LRBA: variants seen among roughly 807,000 people sequenced by gnomAD.
LRBA encodes the protein lipopolysaccharide-responsive and beige-like anchor protein.
Under a neutral mutation model 330.0 loss-of-function variants are expected in LRBA, and 176 were observed. That is an observed-to-expected ratio of 0.53 (90% CI 0.47 to 0.60). LRBA has a LOEUF of 0.60. LRBA is among the 20% of genes least tolerant of loss of function. The pLI is 0.00. For missense variants in LRBA, 3,259 were observed against 3,444.8 expected (o/e 0.95, Z 1.35); for synonymous variants, 1,230 against 1,193.0 (o/e 1.03, Z -0.64).
chr4:150,509,410 A>G (rs1354457518), intron 40 of LRBA, among the ~76,000 whole-genome samples: 1 of 152,110 alleles, frequency 6.6e-6, no homozygotes, highest in African/African-American at 2.4e-5. Flanking sequence ...AGCAGTACTT[A>G]GAGGGAAATT....
chr4:150,917,101 C>T (rs913450616), intron 5 of LRBA, among the ~76,000 whole-genome samples: 1 of 151,400 alleles, frequency 6.6e-6, no homozygotes, highest in East Asian at 1.9e-4. Flanking sequence ...TGCAGTGAGC[C>T]GAGACCACAC....
chr4:150,877,792 TC>T (rs1481916681), intron 17 of LRBA, among the ~76,000 whole-genome samples: 1 of 152,088 alleles, frequency 6.6e-6, no homozygotes, highest in African/African-American at 2.4e-5. Context: ...ATAAAGAAAG[TC>T]TCAATAAATT....
chr4:150,415,625 A>C, intron 46 of LRBA, 35 bp from the exon 47 acceptor site: 1 of 1,196,144 alleles, frequency 8.4e-7, no homozygotes, highest in East Asian at 2.3e-5. Context: ...GATATTATAA[A>C]CTGTAGGATA....
chr4:150,607,991 C>T (rs149728153), intron 37 of LRBA, among the ~76,000 whole-genome samples: 1,658 of 152,138 alleles, frequency 0.011, 13 homozygotes, highest in Non-Finnish European at 0.017. Flanking sequence ...GCCAAGATCG[C>T]GCCACTGCAC....
chr4:150,953,188 A>T (rs1561050372), intron 2 of LRBA, among the ~76,000 whole-genome samples: 1 of 152,198 alleles, frequency 6.6e-6, no homozygotes, highest in Non-Finnish European at 1.5e-5. Context: ...TCCTTATTTT[A>T]ATAATAGAAC....
At chr4:150,522,471 A>C (rs900794319) in intron 40 of LRBA, among the ~76,000 whole-genome samples, 3 of 152,206 alleles carry the variant, frequency 2.0e-5, no homozygotes, top group Non-Finnish European at 4.4e-5. Flanking sequence ...ATAACTCCCC[A>C]AAGCATTTCA....
chr4:150,707,857 A>G (rs974718930), intron 36 of LRBA, among the ~76,000 whole-genome samples: 9 of 151,836 alleles, frequency 5.9e-5, no homozygotes, highest in African/African-American at 2.2e-4. Context: ...ACATACTTCC[A>G]GAAAGGTCAT....
Position 150,321,254 on chromosome 4 carries a change from G to A in LRBA, c.7567C>T (p.Pro2523Ser), listed in dbSNP as rs771675142. 1 of 1,612,492 alleles carries A rather than the reference G, an allele frequency of 6.2e-7. No homozygotes were observed. Among genetic ancestry groups the A allele is most frequent in the Non-Finnish European group, 8.5e-7 (1 of 1,179,484 alleles). The change falls in exon 50 of 57, where the codon CCC (proline) becomes TCC (serine). Residue 2523 changes from proline (P) to serine (S), a missense_variant. Pro to Ser is a moderately conservative substitution (Grantham distance 74). Transcript: ENST00000651943. This position sits in a 1 kb window ranked among gnomAD's most constrained non-coding sequence, Gnocchi z 4.5. ...TTAGCAGTGACTGTGATCACAGCGG[G>A]AGTTGCCAAACCAGGCTGGGTGTTG... ...AANTQPGLAT[P>S]AVITVTANRL...
intron 53 of LRBA, among the ~76,000 whole-genome samples, chr4:150,299,859 T>G (rs1217357040): frequency 1.3e-5 from 2 of 152,046 alleles, no homozygotes; most frequent in Non-Finnish European, 2.9e-5. Context: ...TTATAGAACA[T>G]ATTGCAATTA....
chr4:150,657,134 AT>A (rs1357587963), intron 37 of LRBA, among the ~76,000 whole-genome samples: 2 of 152,216 alleles, frequency 1.3e-5, no homozygotes, highest in African/African-American at 4.8e-5. Flanking sequence ...GTGAGCAAAT[AT>A]ACAAAATCAG....
chr4:150,280,835 C>T (rs1747402286), intron 55 of LRBA, among the ~76,000 whole-genome samples: 1 of 152,216 alleles, frequency 6.6e-6, no homozygotes, highest in South Asian at 2.1e-4. Context: ...GTATCAGTCT[C>T]TGGAGCTGTG....
At chr4:150,950,757 C>T (rs532525611) in intron 2 of LRBA, among the ~76,000 whole-genome samples, 2 of 152,124 alleles carry the variant, frequency 1.3e-5, no homozygotes, top group Non-Finnish European at 2.9e-5. Context: ...ACTCTTCCTT[C>T]CATCCTCTTC....
chr4:150,451,047 A>G (rs533795049), intron 44 of LRBA, among the ~76,000 whole-genome samples: 9 of 152,232 alleles, frequency 5.9e-5, no homozygotes, highest in East Asian at 3.9e-4. Context: ...AAACAAAACA[A>G]AACAGAACAA....
At chr4:150,775,922 A>C (rs188338792) in intron 34 of LRBA, among the ~76,000 whole-genome samples, 1 of 151,776 alleles carries the variant, frequency 6.6e-6, no homozygotes, top group Non-Finnish European at 1.5e-5. Flanking sequence ...AGGAGGGCAG[A>C]AGAGGAGAAA....
At chr4:150,777,774 T>C (rs2126571869) in intron 34 of LRBA, among the ~76,000 whole-genome samples, 1 of 151,882 alleles carries the variant, frequency 6.6e-6, no homozygotes, top group Admixed American at 6.6e-5. Flanking sequence ...GGTCAAGAAA[T>C]TGAGACCATC....
At chr4:150,451,519 A>G (rs1390551338) in intron 44 of LRBA, among the ~76,000 whole-genome samples, 1 of 152,190 alleles carries the variant, frequency 6.6e-6, no homozygotes, top group East Asian at 1.9e-4. Context: ...GAAAATAAAA[A>G]CAATATATAA....
intron 34 of LRBA, among the ~76,000 whole-genome samples, chr4:150,791,661 T>C (rs1021986077): frequency 2.0e-5 from 3 of 152,176 alleles, no homozygotes; most frequent in South Asian, 2.1e-4. Context: ...TACAGAATAA[T>C]GGCCTCCTCA....
At chr4:150,467,182 A>G (rs990137042) in intron 44 of LRBA, among the ~76,000 whole-genome samples, 6 of 152,182 alleles carry the variant, frequency 3.9e-5, no homozygotes, top group African/African-American at 1.4e-4. Flanking sequence ...AATACATTGA[A>G]ATCTATGAGT....
At chr4:150,878,763 C>G (rs1728036948) in intron 17 of LRBA, among the ~76,000 whole-genome samples, 1 of 151,568 alleles carries the variant, frequency 6.6e-6, no homozygotes, top group Non-Finnish European at 1.5e-5. Flanking sequence ...TTCATAGAAA[C>G]ACAAAATCAG....
Sources: gnomAD v4.1 joint callset for allele counts (sites outside exome capture counted in the v4.1 genomes callset) on GRCh38, gnomAD v4.1.1 for gene constraint, Gnocchi (gnomAD v3.1) non-coding constraint, MANE v1.5 for transcripts, NCBI Gene and HGNC (gene_info 2026-07-23, HGNC 2026-07-21) for gene names.